TESC: variants seen among roughly 807,000 people sequenced by gnomAD.
TESC encodes the protein tescalcin.
A neutral mutation model predicts 31.0 loss-of-function variants in TESC; 19 were observed. The observed-to-expected ratio is 0.61, with a 90% confidence interval of 0.43 to 0.90. TESC has a LOEUF of 0.90. TESC is among the 40% of genes least tolerant of loss of function. The pLI, the probability that TESC is intolerant of heterozygous loss-of-function variation, is 0.00. For missense variants in TESC, 248 were observed against 303.8 expected (o/e 0.82, Z 1.36); for synonymous variants, 109 against 114.8 (o/e 0.95, Z 0.32).
chr12:117,076,603 C>G (rs2135787429), intron 1 of TESC, among the ~76,000 whole-genome samples: 1 of 152,280 alleles, frequency 6.6e-6, no homozygotes, highest in East Asian at 1.9e-4. Context: ...GCCACCACGC[C>G]CAGCTAATTT....
At chr12:117,088,571 C>A (rs1955253420) in intron 1 of TESC, among the ~76,000 whole-genome samples, 1 of 151,928 alleles carries the variant, frequency 6.6e-6, no homozygotes, top group Admixed American at 6.5e-5. Flanking sequence ...ATCCCAGCTA[C>A]TCAGGAGGCT....
chr12:117,075,604 C>A (rs1178025364), intron 1 of TESC, among the ~76,000 whole-genome samples: 1 of 151,734 alleles, frequency 6.6e-6, no homozygotes, highest in Non-Finnish European at 1.5e-5. Context: ...TGAGACAGGG[C>A]AGTCATGAAG....
chr12:117,091,078 G>C (rs1423952474), intron 1 of TESC, among the ~76,000 whole-genome samples: 2 of 152,234 alleles, frequency 1.3e-5, no homozygotes. Context: ...ACACTGCTGG[G>C]ACGACAAAGA....
Position 117,041,994 on chromosome 12 carries a change from C to T in TESC, c.520G>A (p.Glu174Lys), listed in dbSNP as rs779591817. The T allele has an allele frequency of 1.3e-6, 2 of 1,594,346 alleles. No homozygotes were observed. The highest frequency in any genetic ancestry group is 1.3e-5 in the African/African-American group (1 of 74,646). ...EAASVCMGQM[E>K]PDQVYEGITF... ...ATCCCCTCGTACACCTGATCAGGCT[C>T]CTGGGGACGGAAGCACAGGGTGGAC... Residue 174 changes from glutamate (E) to lysine (K), a missense_variant and splice_region_variant, in exon 7 of 8, where the codon GAG becomes AAG. Glu to Lys is a moderately conservative substitution (Grantham distance 56). Coordinates refer to ENST00000335209, the MANE Select transcript of TESC (RefSeq NM_017899.4).
intron 2 of TESC, among the ~76,000 whole-genome samples, chr12:117,069,883 G>A (rs898676141): frequency 1.3e-5 from 2 of 152,122 alleles, no homozygotes; most frequent in African/African-American, 4.8e-5. Context: ...CATTTTTAAG[G>A]GGACTTTTGC....
intron 2 of TESC, among the ~76,000 whole-genome samples, chr12:117,067,934 A>G (rs912609696): frequency 1.3e-5 from 2 of 151,918 alleles, no homozygotes; most frequent in African/African-American, 4.8e-5. Flanking sequence ...TTGCTTCATC[A>G]CCTAGGCTGG....
At chr12:117,095,894 A>T (rs945722353) in intron 1 of TESC, among the ~76,000 whole-genome samples, 5 of 151,960 alleles carry the variant, frequency 3.3e-5, no homozygotes, top group East Asian at 1.9e-4. Context: ...ACTAAAAATT[A>T]AAAAAAACTG....
intron 1 of TESC, among the ~76,000 whole-genome samples, chr12:117,088,394 A>T (rs1955249473): frequency 6.6e-6 from 1 of 152,106 alleles, no homozygotes; most frequent in South Asian, 2.1e-4. Context: ...CTAAAGTACA[A>T]GGTTGGCCGG....
chr12:117,088,328 A>G (rs1386578252), intron 1 of TESC, among the ~76,000 whole-genome samples: 2 of 152,160 alleles, frequency 1.3e-5, no homozygotes, highest in Non-Finnish European at 2.9e-5. Flanking sequence ...AGCCTTCCAG[A>G]ACTATCTTCA....
intron 1 of TESC, among the ~76,000 whole-genome samples, chr12:117,083,108 CAG>C (rs1439328935): frequency 1.3e-5 from 2 of 149,522 alleles, no homozygotes; most frequent in African/African-American, 4.9e-5. Flanking sequence ...TTTTTTGAAA[CAG>C]AGTCTTGCTG....
chr12:117,086,469 C>T (rs1186506018), intron 1 of TESC, among the ~76,000 whole-genome samples: 1 of 152,090 alleles, frequency 6.6e-6, no homozygotes, highest in Non-Finnish European at 1.5e-5. Flanking sequence ...CGCTCTGTCA[C>T]CCAGGTGGAT....
chr12:117,082,058 T>G, intron 1 of TESC, among the ~76,000 whole-genome samples: 1 of 95,030 alleles, frequency 1.1e-5, no homozygotes, highest in South Asian at 2.8e-4. Context: ...ATCCCATCTA[T>G]ACAAAAAAAA....
intron 2 of TESC, among the ~76,000 whole-genome samples, chr12:117,066,394 C>T (rs1417226748): frequency 8.1e-5 from 11 of 136,436 alleles, no homozygotes; most frequent in Admixed American, 7.2e-5. Flanking sequence ...TTTTTTGAGA[C>T]GGAGTCTCAC....
intron 1 of TESC, chr12:117,098,419 C>A (rs930020286): frequency 6.6e-6 from 1 of 152,522 alleles, no homozygotes; most frequent in African/African-American, 2.4e-5. Flanking sequence ...CCAGTCCACA[C>A]CCTGGTCCAC....
chr12:117,073,606 G>A (rs1201916462), intron 2 of TESC, among the ~76,000 whole-genome samples: 1 of 152,194 alleles, frequency 6.6e-6, no homozygotes, highest in African/African-American at 2.4e-5. Context: ...TACCAAGAAG[G>A]AAGTTTCCCT....
intron 3 of TESC, among the ~76,000 whole-genome samples, chr12:117,055,586 C>A (rs1954710085): frequency 6.6e-6 from 1 of 152,184 alleles, no homozygotes. Flanking sequence ...AGAGACACAG[C>A]AGGAGGAATA....
At chr12:117,041,633 T>C (rs968751501) in intron 7 of TESC, among the ~76,000 whole-genome samples, 3 of 152,186 alleles carry the variant, frequency 2.0e-5, no homozygotes, top group Non-Finnish European at 2.9e-5. Context: ...GCGCCCAGCC[T>C]ACAACGGGGG....
chr12:117,058,330 A>T (rs1482852678), intron 2 of TESC, among the ~76,000 whole-genome samples: 1 of 152,186 alleles, frequency 6.6e-6, no homozygotes, highest in African/African-American at 2.4e-5. Context: ...TACATGAATT[A>T]TCTGGAATAG....
chr12:117,045,394 G>A (rs1440344762), intron 6 of TESC, among the ~76,000 whole-genome samples: 2 of 152,252 alleles, frequency 1.3e-5, no homozygotes, highest in African/African-American at 4.8e-5. Context: ...AAACTGGAGT[G>A]GGACAGGGAG....
Sources: gnomAD v4.1 joint callset for allele counts (sites outside exome capture counted in the v4.1 genomes callset) on GRCh38, gnomAD v4.1.1 for gene constraint, MANE v1.5 for transcripts, NCBI Gene and HGNC (gene_info 2026-07-23, HGNC 2026-07-21) for gene names.